Variants in CDKN2B-AS1 observed in about 807,000 individuals in gnomAD.
CDKN2B-AS1 encodes CDKN2B and CDKN2A antisense cis and trans regulatory RNA 1.
Position 22,086,343 on chromosome 9 carries a change from T to C in CDKN2B-AS1, n.438+29956T>C, listed in dbSNP as rs189373625. On this transcript the variant is annotated intron_variant and non_coding_transcript_variant, in intron 4 of 4. Transcript: ENST00000650946. ...GAATTATGCTTAAAAAGTAGCATAA[T>C]TAAAAGTATTTAAAACACAAGTAAC... Among the ~76,000 whole-genome samples, 5 of 152,268 alleles carry C rather than the reference T, an allele frequency of 3.3e-5. No homozygotes were observed. The East Asian group carries it at 7.7e-4, about 23-fold the overall frequency.
intron 4 of CDKN2B-AS1, among the ~76,000 whole-genome samples, chr9:22,123,767 A>T (rs10738610): frequency 6.6e-6 from 1 of 151,944 alleles, no homozygotes; most frequent in Non-Finnish European, 1.5e-5. Flanking sequence ...TCCAGGGGAC[A>T]GAAATAGGAC....
At chr9:22,117,737 C>G (rs1054384517) in intron 4 of CDKN2B-AS1, 3 of 152,270 alleles carry the variant, frequency 2.0e-5, no homozygotes, top group Non-Finnish European at 4.4e-5. Flanking sequence ...GCAAGACTGA[C>G]TGGGGTCACA....
intron 4 of CDKN2B-AS1, among the ~76,000 whole-genome samples, chr9:22,106,623 C>A (rs1033114482): frequency 2.0e-5 from 3 of 152,136 alleles, no homozygotes; most frequent in African/African-American, 7.2e-5. Flanking sequence ...AATGCCTTGG[C>A]ATAAGGGACT....
intron 4 of CDKN2B-AS1, among the ~76,000 whole-genome samples, chr9:22,075,206 C>G (rs1020658099): frequency 6.6e-6 from 1 of 152,196 alleles, no homozygotes; most frequent in African/African-American, 2.4e-5. Flanking sequence ...ATGTTATAGA[C>G]TCTAGGCTAG....
In CDKN2B-AS1 at chr9:22,005,112, A is replaced by ATGTGTGTGTGTG. The variant is rs3028393; in HGVS notation, n.29+9970_29+9981dup. 3.6e-4 allele frequency: 81 copies of ATGTGTGTGTGTG among 225,472 alleles called. No individual in the cohort carries two copies. Among genetic ancestry groups the ATGTGTGTGTGTG allele is most frequent in the South Asian group, 1.3e-3 (7 of 5,258 alleles). 14.0% of individuals were successfully genotyped at this position (225,472 alleles called of 1,614,324 possible). A position where few individuals can be genotyped will look rare whatever the true frequency, so the allele number is the denominator to read the frequency against. On this transcript the variant is annotated intron_variant and non_coding_transcript_variant, in intron 1 of 4. Coordinates refer to ENST00000650946, the Ensembl canonical transcript of CDKN2B-AS1. This position sits in a 1 kb window ranked among gnomAD's most constrained non-coding sequence, Gnocchi z 4.9. ...CATAAGGGGATTTCCGCATCCTAGC[A>ATGTGTGTGTGTG]TGTGTGTGTGTGTGTGTGTGTGTGT...
intron 4 of CDKN2B-AS1, among the ~76,000 whole-genome samples, chr9:22,068,642 T>G (rs1824164234): frequency 6.6e-6 from 1 of 152,192 alleles, no homozygotes; most frequent in Admixed American, 6.6e-5. Context: ...TTAAGTGGCT[T>G]TGCAATGATA....
intron 4 of CDKN2B-AS1, among the ~76,000 whole-genome samples, chr9:22,105,315 C>T (rs1295639049): frequency 6.6e-6 from 1 of 152,166 alleles, no homozygotes; most frequent in African/African-American, 2.4e-5. Flanking sequence ...CATAACAAAT[C>T]ACCCTAAAAT....
intron 4 of CDKN2B-AS1, among the ~76,000 whole-genome samples, chr9:22,077,257 A>C (rs977300091): frequency 6.7e-6 from 1 of 148,264 alleles, no homozygotes; most frequent in African/African-American, 2.6e-5. Context: ...ATTTAACTCA[A>C]TATATTTAAA....
intron 1 of CDKN2B-AS1, among the ~76,000 whole-genome samples, chr9:22,044,097 G>A (rs964699005): frequency 6.6e-6 from 1 of 151,984 alleles, no homozygotes. Context: ...CAGGAAAGAA[G>A]GAACAGTGGA....
chr9:22,024,047 C>T (rs540437393), intron 1 of CDKN2B-AS1, among the ~76,000 whole-genome samples: 2 of 152,250 alleles, frequency 1.3e-5, no homozygotes, highest in South Asian at 4.1e-4. Flanking sequence ...TGTTCTTGTG[C>T]TGATTATTTC....
chr9:22,020,735 C>A (rs1320513228), intron 1 of CDKN2B-AS1, among the ~76,000 whole-genome samples: 6 of 151,848 alleles, frequency 4.0e-5, no homozygotes, highest in Non-Finnish European at 8.8e-5. Flanking sequence ...GTGTTTTATT[C>A]TTGTAAATTT....
At chr9:22,109,423 T>TACTCTAAACTTTTGATGAAAA (rs1370482069) in intron 4 of CDKN2B-AS1, among the ~76,000 whole-genome samples, 1 of 152,194 alleles carries the variant, frequency 6.6e-6, no homozygotes. Flanking sequence ...AAATAGAGTT[T>TACTCTAAACTTTTGATGAAAA]GTTTAAACAC....
chr9:22,040,752 T>G (rs998658909), intron 1 of CDKN2B-AS1, among the ~76,000 whole-genome samples: 1 of 152,078 alleles, frequency 6.6e-6, no homozygotes, highest in Non-Finnish European at 1.5e-5. Context: ...CACACTCACA[T>G]GAATACAGAG....
intron 1 of CDKN2B-AS1, among the ~76,000 whole-genome samples, chr9:22,016,011 G>T (rs1252516060): frequency 1.3e-5 from 2 of 152,198 alleles, no homozygotes; most frequent in African/African-American, 4.8e-5. Context: ...TGTCAGATGA[G>T]TAGGTCGCGA....
In CDKN2B-AS1 at chr9:22,022,455, C is replaced by T. The variant is rs117418282; in HGVS notation, n.30-24296C>T. The stretch of plus-strand genomic sequence containing the variant: ...CTTGTTGGTTTAAAGTCTGTTTTGT[C>T]AGAAACTAGGATTGGAACCCTGCTT... On this transcript the variant is annotated intron_variant and non_coding_transcript_variant, in intron 1 of 4. Coordinates refer to ENST00000650946, the Ensembl canonical transcript of CDKN2B-AS1. 9.0e-3 allele frequency among the ~76,000 whole-genome samples: 1,365 copies of T among 152,096 alleles called. 107 individuals are homozygous for T. In the East Asian group the frequency reaches 0.2, roughly 22 times the overall value.
intron 4 of CDKN2B-AS1, among the ~76,000 whole-genome samples, chr9:22,073,389 TG>T (rs980746261): frequency 2.6e-5 from 4 of 152,166 alleles, no homozygotes; most frequent in African/African-American, 4.8e-5. Flanking sequence ...GCATCTAGGC[TG>T]GGAAGTATGC....
chr9:22,114,975 C>T (rs1825908259), intron 4 of CDKN2B-AS1, among the ~76,000 whole-genome samples: 1 of 152,144 alleles, frequency 6.6e-6, no homozygotes, highest in African/African-American at 2.4e-5. Flanking sequence ...CAAATTCTCC[C>T]TTACTATCCT....
intron 1 of CDKN2B-AS1, among the ~76,000 whole-genome samples, chr9:22,019,869 T>C (rs565558301): frequency 1.3e-5 from 2 of 152,166 alleles, no homozygotes; most frequent in South Asian, 4.2e-4. Flanking sequence ...CCAAACCCTT[T>C]AAAAAAAACT....
At chr9:22,125,379 AC>A (rs1186588793) in intron 4 of CDKN2B-AS1, among the ~76,000 whole-genome samples, 3 of 152,264 alleles carry the variant, frequency 2.0e-5, no homozygotes, top group Non-Finnish European at 4.4e-5. Flanking sequence ...TTTATAAAAT[AC>A]AAATAAACTA....
Sources: gnomAD v4.1 joint callset for allele counts (sites outside exome capture counted in the v4.1 genomes callset) on GRCh38, gnomAD v4.1.1 for gene constraint, Gnocchi (gnomAD v3.1) non-coding constraint, MANE v1.5 for transcripts, NCBI Gene and HGNC (gene_info 2026-07-23, HGNC 2026-07-21) for gene names.